The following PABIR3 variants were observed in gnomAD, a reference collection of about 807,000 sequenced individuals.
The protein encoded by PABIR3 is PABIR family member 1.
A neutral mutation model predicts 23.1 loss-of-function variants in PABIR3; 20 were observed. The ratio of observed to expected loss-of-function variants is 0.86; its 90% CI spans 0.61 to 1.26. The LOEUF (loss-of-function observed/expected upper bound fraction) is 1.26, where lower values mean the gene tolerates loss of function less well. Ranked by LOEUF, PABIR3 falls within the 50% of genes most tolerant of loss-of-function variation. The pLI, the probability that PABIR3 is intolerant of heterozygous loss-of-function variation, is 0.00. For synonymous variants in PABIR3, 69 were observed against 68.5 expected (o/e 1.01, Z -0.04); for missense variants, 189 against 195.4 (o/e 0.97, Z 0.20).
intron 1 of PABIR3, among the ~76,000 whole-genome samples, chrX:134,801,316 G>T (rs747140931): frequency 1.8e-5 from 2 of 112,444 alleles, no homozygotes; most frequent in South Asian, 7.4e-4. Context: ...CCAGAAAGGG[G>T]TAGAGGGGGC....
At chrX:134,817,205 AT>A (rs950965533) in intron 3 of PABIR3, among the ~76,000 whole-genome samples, 17 of 111,791 alleles carry the variant, frequency 1.5e-4, no homozygotes, top group Non-Finnish European at 1.9e-5. Flanking sequence ...ACAAAAAAAA[AT>A]ATTGCTTGCT....
intron 3 of PABIR3, 25 bp downstream of exon 3, chrX:134,814,874 C>T (rs2080888422): frequency 9.1e-7 from 1 of 1,095,402 alleles, no homozygotes; most frequent in Non-Finnish European, 1.2e-6. Flanking sequence ...ATAGTGGCCT[C>T]CCTGTCTAAG....
At chrX:134,826,794 T>G (rs1228458928) in intron 3 of PABIR3, among the ~76,000 whole-genome samples, 1 of 111,304 alleles carries the variant, frequency 9.0e-6, no homozygotes, top group Non-Finnish European at 1.9e-5. Context: ...GCAAATGATT[T>G]GAAAAAAAAC....
At chrX:134,863,936 G>C in the PABIR3 span, among the ~76,000 whole-genome samples, 2 of 112,086 alleles carry the variant, frequency 1.8e-5, no homozygotes, top group African/African-American at 6.5e-5. Context: ...CTTAATTGTA[G>C]GTACTGCATC....
chrX:134,842,898 CAA>C (rs1219038634), intron 4 of PABIR3, among the ~76,000 whole-genome samples: 1 of 86,091 alleles, frequency 1.2e-5, no homozygotes, highest in Non-Finnish European at 2.3e-5. Context: ...AACTCCGTCT[CAA>C]AAAAAAAAAA....
At chrX:134,797,832 TA>T (rs1172010359) in intron 1 of PABIR3, among the ~76,000 whole-genome samples, 114 of 101,032 alleles carry the variant, frequency 1.1e-3, no homozygotes, top group African/African-American at 4.5e-3. Context: ...TTTTTTTTTT[TA>T]AACAGAGTCT....
intron 1 of PABIR3, among the ~76,000 whole-genome samples, chrX:134,800,225 C>G (rs1441109270): frequency 1.9e-5 from 2 of 103,229 alleles, no homozygotes; most frequent in Non-Finnish European, 4.0e-5. Context: ...CGCTTGAACC[C>G]GGGAGGTGGA....
At chrX:134,813,102 T>TA (rs1404528412) in intron 2 of PABIR3, among the ~76,000 whole-genome samples, 4 of 110,891 alleles carry the variant, frequency 3.6e-5, no homozygotes, top group African/African-American at 9.8e-5. Flanking sequence ...TGGTGGGATT[T>TA]AAAAAAAAAT....
chrX:134,847,589 C>G (rs2082477786), intron 7 of PABIR3, 114 bp downstream of exon 7: 2 of 513,232 alleles, frequency 3.9e-6, no homozygotes, highest in Admixed American at 3.7e-5. Context: ...CACAGTACAT[C>G]TGATTCTAAC....
At chrX:134,845,476 T>C in intron 6 of PABIR3, 75 bp downstream of exon 6, 1 of 844,676 alleles carries the variant, frequency 1.2e-6, no homozygotes, top group Non-Finnish European at 1.7e-6. Context: ...TATCTAGTTT[T>C]GCTGTAATTT....
At chrX:134,819,499 ACTTAC>A (rs2081163370) in intron 3 of PABIR3, among the ~76,000 whole-genome samples, 1 of 111,630 alleles carries the variant, frequency 9.0e-6, no homozygotes, top group Non-Finnish European at 1.9e-5. Context: ...GTAAGTATAT[ACTTAC>A]CTTTAGTATA....
At chrX:134,832,395 T>C (rs2081825031) in intron 4 of PABIR3, among the ~76,000 whole-genome samples, 2 of 43,834 alleles carry the variant, frequency 4.6e-5, no homozygotes, top group Admixed American at 3.7e-4. Flanking sequence ...ACTGGATCCC[T>C]TTTTTTTTTT....
At chrX:134,808,746 G>A (rs1003170519) in intron 2 of PABIR3, among the ~76,000 whole-genome samples, 10 of 111,434 alleles carry the variant, frequency 9.0e-5, no homozygotes, top group East Asian at 2.8e-4. Flanking sequence ...CGAACTCCTG[G>A]CCTCAGGGGA....
chrX:134,837,032 C>T (rs5933466), intron 4 of PABIR3, among the ~76,000 whole-genome samples: 41,059 of 109,392 alleles, frequency 0.38, 6,944 homozygotes, highest in Admixed American at 0.6. Context: ...AAGAAGACTC[C>T]GTCTTTAAAA....
chrX:134,829,395 G>T, intron 4 of PABIR3, 113 bp downstream of exon 4: 17 of 557,761 alleles, frequency 3.0e-5, no homozygotes, highest in East Asian at 7.7e-5. Context: ...GTAATATTAA[G>T]TTTTTATTTC....
At chrX:134,843,978 A>G (rs1171459994) in intron 4 of PABIR3, 1 of 88,225 alleles carries the variant, frequency 1.1e-5, no homozygotes, top group African/African-American at 4.7e-5. Flanking sequence ...AGGCTGGAGT[A>G]CAGTAGTGCA....
intron 3 of PABIR3, chrX:134,822,211 A>G: frequency 1.3e-6 from 1 of 749,991 alleles, no homozygotes; most frequent in Middle Eastern, 7.6e-4. Flanking sequence ...CACAAAAGAT[A>G]CCAGTGATGT....
chrX:134,856,776 C>T (rs770732839), downstream of PABIR3, among the ~76,000 whole-genome samples: 1 of 110,404 alleles, frequency 9.1e-6, no homozygotes, highest in African/African-American at 3.3e-5. Context: ...TTTGGGAGGC[C>T]GAAGTGGGTG....
intron 4 of PABIR3, among the ~76,000 whole-genome samples, chrX:134,830,823 C>G (rs1413291499): frequency 1.8e-5 from 2 of 111,058 alleles, no homozygotes; most frequent in Non-Finnish European, 3.8e-5. Flanking sequence ...TTGCTATTTG[C>G]TGGTGAAGCT....
Sources: gnomAD v4.1 joint callset for allele counts (sites outside exome capture counted in the v4.1 genomes callset) on GRCh38, gnomAD v4.1.1 for gene constraint, MANE v1.5 for transcripts, NCBI Gene and HGNC (gene_info 2026-07-23, HGNC 2026-07-21) for gene names.